COL6A1: variants seen among roughly 807,000 people sequenced by gnomAD.
COL6A1 encodes the protein collagen alpha-1(VI) chain.
Under a neutral mutation model 145.6 loss-of-function variants are expected in COL6A1, and 80 were observed. The observed-to-expected ratio is 0.55, with a 90% confidence interval of 0.46 to 0.66. The LOEUF (loss-of-function observed/expected upper bound fraction) is 0.66. COL6A1 is among the 30% of genes least tolerant of loss of function. The pLI, the probability that COL6A1 is intolerant of heterozygous loss-of-function variation, is 0.00. For synonymous variants in COL6A1, 638 were observed against 622.8 expected (o/e 1.02, Z -0.36); for missense variants, 1,364 against 1,473.8 (o/e 0.93, Z 1.22).
rs1361084071 is a variant in COL6A1, at chr21:45,997,495, T to A, written c.1461+12T>A. The A allele has an allele frequency of 2.5e-6, 4 of 1,585,104 alleles. No homozygotes were observed. Among genetic ancestry groups the A allele is most frequent in the Non-Finnish European group, 3.4e-6 (4 of 1,170,098 alleles). On this transcript the variant is annotated intron_variant, in intron 21 of 34. Coordinates refer to ENST00000361866, the MANE Select transcript of COL6A1 (RefSeq NM_001848.3). ...CCCCAGGGTCCGAGGTGAGTCCCAC[T>A]CCCCACCCACACCCGCCCACCCAGG...
chr21:45,990,901 T>C, intron 14 of COL6A1, 75 bp downstream of exon 14: 1 of 1,609,140 alleles, frequency 6.2e-7, no homozygotes, highest in Non-Finnish European at 8.5e-7. Flanking sequence ...TTTTGACTTC[T>C]GTCTGGGCGG....
intron 2 of COL6A1, among the ~76,000 whole-genome samples, chr21:45,983,398 G>T (rs1476310682): frequency 1.3e-5 from 2 of 152,020 alleles, no homozygotes; most frequent in Non-Finnish European, 2.9e-5. Context: ...GCCGCTGAGG[G>T]GGGGGCATGT....
At position 46,003,758 on chromosome 21, in the gene COL6A1, T is replaced by C. The variant is rs779665693; in HGVS notation, c.2832T>C (p.Asp944=). Residue 944 remains aspartate, a synonymous_variant, in exon 35 of 35, where the codon GAT becomes GAC. Coordinates refer to ENST00000361866, the MANE Select transcript of COL6A1 (RefSeq NM_001848.3). The part of the protein sequence containing the change: ...AAKKRLLLFS[D]GNSQGATPAA... Reference sequence around the variant, plus strand: ...AGAAGAGGCTGCTGCTCTTCTCAGATGGCAACTCGCAGGGCGCCACGCCCG... The same window carrying C: ...AGAAGAGGCTGCTGCTCTTCTCAGACGGCAACTCGCAGGGCGCCACGCCCG... 53 of 1,612,704 alleles carry C rather than the reference T, an allele frequency of 3.3e-5. No individual in the cohort carries two copies. Among genetic ancestry groups the C allele is most frequent in the Non-Finnish European group, 4.4e-5 (52 of 1,179,852 alleles).
intron 13 of COL6A1, 90 bp downstream of exon 13, chr21:45,990,512 C>T (rs910167672): frequency 1.9e-5 from 8 of 422,810 alleles, no homozygotes; most frequent in African/African-American, 5.7e-5. Context: ...GAAGGTGACC[C>T]GGGGAGGGAT....
chr21:45,992,056 G>C lies in COL6A1; in HGVS notation c.1166G>C (p.Gly389Ala), dbSNP rs2123474665. The C allele has an allele frequency of 3.7e-6, 6 of 1,611,232 alleles. No individual in the cohort carries two copies. Among genetic ancestry groups the C allele is most frequent in the Non-Finnish European group, 5.1e-6 (6 of 1,179,134 alleles). Reference sequence around the variant, plus strand: ...GAGGCGGGGAGACCAGGGAGCTCGGGACCATCTGGAGACGAGGTGAGGAGC... The same window carrying C: ...GAGGCGGGGAGACCAGGGAGCTCGGCACCATCTGGAGACGAGGTGAGGAGC... The part of the protein sequence containing the change: ...DGEAGRPGSS[G>A]PSGDEGQPGE... The change falls in exon 16 of 35, where the codon GGA (glycine) becomes GCA (alanine). Residue 389 changes from glycine to alanine, a missense_variant. By Grantham distance (60) the Gly-to-Ala change is moderately conservative. Transcript: ENST00000361866.
chr21:45,996,536 C>A (rs1365197773), intron 20 of COL6A1, among the ~76,000 whole-genome samples: 2 of 152,256 alleles, frequency 1.3e-5, no homozygotes, highest in African/African-American at 4.8e-5. Context: ...GGACAGGCCT[C>A]ATCGGGAAGC....
rs970424948 is a variant in COL6A1 at position 46,000,312 on chromosome 21, C to G, written c.1777-19C>G. On this transcript the variant is annotated intron_variant, in intron 27 of 34. Coordinates refer to ENST00000361866, the MANE Select transcript of COL6A1 (RefSeq NM_001848.3). ...AGGGGCTGTCTATGGCCCCAGTACC[C>G]TCGTCTCTCCCTCCCCAGGAATGCG... The G allele has an allele frequency of 6.2e-7, 1 of 1,613,756 alleles. No homozygotes were observed. The highest frequency in any genetic ancestry group is 8.5e-7 in the Non-Finnish European group (1 of 1,179,860).
chr21:45,987,557 A>T (rs1413399035), intron 7 of COL6A1, 38 bp downstream of exon 7: 3 of 1,612,472 alleles, frequency 1.9e-6, no homozygotes, highest in Admixed American at 3.3e-5. Flanking sequence ...CGCGCCCTGC[A>T]CCCTGGGAAC....
At chr21:45,999,957 T>TA in intron 27 of COL6A1, among the ~76,000 whole-genome samples, 1 of 1,240 alleles carries the variant, frequency 8.1e-4, no homozygotes, top group Non-Finnish European at 1.8e-3. Context: ...GTGAGGATCA[T>TA]GGGAGGACGT....
chr21:45,990,910 G>T (rs534509845), intron 14 of COL6A1, 69 bp from the exon 15 acceptor site: 1 of 1,608,264 alleles, frequency 6.2e-7, no homozygotes, highest in East Asian at 2.2e-5. Context: ...CTGTCTGGGC[G>T]GTCTGGGGCT....
At chr21:45,992,840 A>C in intron 19 of COL6A1, 30 bp downstream of exon 19, 1 of 1,565,684 alleles carries the variant, frequency 6.4e-7, no homozygotes, top group Non-Finnish European at 8.7e-7. Context: ...GCTGGGAACC[A>C]CCCCAGGAAG....
chr21:45,997,622 C>G, intron 21 of COL6A1, 78 bp from the exon 22 acceptor site: 1 of 1,544,436 alleles, frequency 6.5e-7, no homozygotes, highest in Admixed American at 1.9e-5. Context: ...GGACCTCTCC[C>G]GGCCCCAGGA....
chr21:45,984,552 GCGGCTT>G, intron 3 of COL6A1, 83 bp downstream of exon 3: 1 of 1,333,628 alleles, frequency 7.5e-7, no homozygotes, highest in Non-Finnish European at 1.1e-6. Flanking sequence ...GGGTCCCTGT[GCGGCTT>G]CAGCTGCAGC....
At chr21:45,999,942 G>GGGA (rs1569518900) in intron 27 of COL6A1, among the ~76,000 whole-genome samples, 18 of 1,164 alleles carry the variant, frequency 0.015, 4 homozygotes, top group East Asian at 0.036. Flanking sequence ...TCATGGGGGG[G>GGGA]ACGTGTGAGG....
rs138401567 is a variant in COL6A1 at position 45,990,401 on chromosome 21, C to T, written c.981C>T (p.Ile327=). The T allele has an allele frequency of 1.2e-3, 1,633 of 1,371,302 alleles. 1 individual carries two copies. Among genetic ancestry groups the T allele is most frequent in the Non-Finnish European group, 1.4e-3 (1,465 of 1,037,898 alleles). 84.9% of individuals were successfully genotyped at this position (1,371,302 alleles called of 1,614,324 possible). A position where few individuals can be genotyped will look rare whatever the true frequency, so the allele number is the denominator to read the frequency against. Residue 327 remains isoleucine (I), a synonymous_variant, in exon 13 of 35, where the codon ATC becomes ATT. Coordinates refer to ENST00000361866, the MANE Select transcript of COL6A1 (RefSeq NM_001848.3). ...GYKGEKGKRG[I]DGVDGVKGEM... is the part of the protein sequence containing the mutation. ...AGGGAGAGAAGGGCAAGCGTGGCAT[C>T]GACGGGGTGGACGGCGTGAAGGTGA... is the stretch of plus-strand genomic sequence containing the variant.
intron 3 of COL6A1, among the ~76,000 whole-genome samples, chr21:45,986,200 G>A (rs1381354427): frequency 6.6e-6 from 1 of 152,150 alleles, no homozygotes; most frequent in South Asian, 2.1e-4. Context: ...ATCTCGGAGG[G>A]GCACGCTCCC....
intron 28 of COL6A1, 113 bp from the exon 29 acceptor site, chr21:46,000,646 G>A (rs562673965): frequency 4.3e-5 from 53 of 1,242,124 alleles, no homozygotes; most frequent in South Asian, 3.4e-4. Context: ...GGGGGAGGCC[G>A]GGGAAGGAGG....
At position 45,986,926 on chromosome 21, in the gene COL6A1, C is replaced by G; in HGVS notation, c.589-18C>G. On this transcript the variant is annotated intron_variant, in intron 4 of 34. Coordinates refer to ENST00000361866, the MANE Select transcript of COL6A1 (RefSeq NM_001848.3). ...GGGGTCCCAGCCCTGCTCAGCCCAC[C>G]CTGAACACTGCCCCCAGGAGCCGCG... is the stretch of plus-strand genomic sequence containing the variant. 1 of 1,543,756 alleles carries G rather than the reference C, an allele frequency of 6.5e-7. No homozygotes were observed. The highest frequency in any genetic ancestry group is 8.7e-7 in the Non-Finnish European group (1 of 1,149,270).
Position 46,002,344 on chromosome 21 carries a change from C to T in COL6A1, c.2193C>T (p.Arg731=), listed in dbSNP as rs1025417641. 1 of 1,591,192 alleles carries T rather than the reference C, an allele frequency of 6.3e-7. No individual in the cohort carries two copies. The highest frequency in any genetic ancestry group is 1.8e-5 in the Admixed American group (1 of 56,146). The stretch of plus-strand genomic sequence containing the variant: ...TCGCCCTGGTCATCACTGACGGGCG[C>T]TCAGACACTCAGAGGGACACCACAC... ...NRIALVITDG[R]SDTQRDTTPL... is the part of the protein sequence containing the mutation. The change falls in exon 32 of 35, where the codon CGC becomes CGT. Residue 731 remains arginine (R), a synonymous_variant. Coordinates refer to ENST00000361866, the MANE Select transcript of COL6A1 (RefSeq NM_001848.3).
Sources: gnomAD v4.1 joint callset for allele counts (sites outside exome capture counted in the v4.1 genomes callset) on GRCh38, gnomAD v4.1.1 for gene constraint, MANE v1.5 for transcripts, NCBI Gene and HGNC (gene_info 2026-07-23, HGNC 2026-07-21) for gene names.